The following WWOX variants were observed in gnomAD, a reference collection of about 807,000 sequenced individuals.
WWOX encodes WW domain-containing oxidoreductase.
In WWOX, 69 loss-of-function variants were observed where a neutral mutation model predicts 46.2. The observed-to-expected ratio is 1.49, with a 90% CI of 1.23 to 1.82. The LOEUF (loss-of-function observed/expected upper bound fraction) is 1.82. Ranked by LOEUF, WWOX falls within the 40% of genes most tolerant of loss-of-function variation. The probability of loss-of-function intolerance (pLI) is 0.00; values close to 1 mark genes in which losing one functional copy is unlikely to be tolerated. For synonymous variants in WWOX, 359 were observed against 202.6 expected (o/e 1.77, Z -6.56); for missense variants, 919 against 542.6 (o/e 1.69, Z -6.89).
At chr16:78,198,543 C>A (rs1452743151) in intron 5 of WWOX, among the ~76,000 whole-genome samples, 2 of 152,136 alleles carry the variant, frequency 1.3e-5, no homozygotes, top group Non-Finnish European at 2.9e-5. Context: ...CAGGGATGAA[C>A]AAAGGCAACT....
intron 8 of WWOX, among the ~76,000 whole-genome samples, chr16:78,673,449 C>G (rs909502169): frequency 6.6e-5 from 10 of 152,110 alleles, no homozygotes; most frequent in Non-Finnish European, 1.5e-4. Flanking sequence ...GTAATGACAC[C>G]AGCACCATAA....
intron 8 of WWOX, among the ~76,000 whole-genome samples, chr16:78,892,642 C>T (rs558131595): frequency 5.9e-5 from 9 of 152,228 alleles, no homozygotes; most frequent in East Asian, 1.9e-4. Flanking sequence ...ACAAGGTCAC[C>T]TGCCAAAAGC....
chr16:78,899,051 C>G (rs890202038), intron 8 of WWOX: 10 of 151,726 alleles, frequency 6.6e-5, no homozygotes, highest in African/African-American at 2.2e-4. Context: ...TATAGTTTTA[C>G]TTCTTCTCCA....
intron 8 of WWOX, among the ~76,000 whole-genome samples, chr16:78,710,857 T>C (rs1173195236): frequency 2.0e-5 from 3 of 152,062 alleles, no homozygotes; most frequent in Non-Finnish European, 2.9e-5. Context: ...GCTCAAGCGA[T>C]CCTACTCACT....
chr16:78,282,603 G>A (rs1323792917), intron 5 of WWOX, among the ~76,000 whole-genome samples: 3 of 152,226 alleles, frequency 2.0e-5, no homozygotes, highest in Admixed American at 6.5e-5. Flanking sequence ...GTGGCCGGGC[G>A]CAGTGGCTCA....
chr16:78,598,058 G>A (rs2045532618), intron 8 of WWOX, among the ~76,000 whole-genome samples: 1 of 152,106 alleles, frequency 6.6e-6, no homozygotes, highest in Non-Finnish European at 1.5e-5. Flanking sequence ...TCTCCAGACT[G>A]CGCTTCATGA....
chr16:79,157,619 TTTA>T (rs1305360000), intron 8 of WWOX, among the ~76,000 whole-genome samples: 1 of 152,038 alleles, frequency 6.6e-6, no homozygotes, highest in Admixed American at 6.5e-5. Context: ...AAATACAGGT[TTTA>T]TTATTATTTA....
chr16:78,723,484 T>A (rs1307153649), intron 8 of WWOX, among the ~76,000 whole-genome samples: 1 of 152,172 alleles, frequency 6.6e-6, no homozygotes, highest in Non-Finnish European at 1.5e-5. Context: ...ATCTGCATGT[T>A]TCTCTCTTTC....
chr16:79,163,383 G>T (rs575872234), intron 8 of WWOX, among the ~76,000 whole-genome samples: 1 of 152,222 alleles, frequency 6.6e-6, no homozygotes, highest in Admixed American at 6.5e-5. Flanking sequence ...TTTAGTAGAA[G>T]TAGGAATCGT....
At chr16:78,230,760 G>T (rs1057471263) in intron 5 of WWOX, among the ~76,000 whole-genome samples, 3 of 152,310 alleles carry the variant, frequency 2.0e-5, no homozygotes, top group Admixed American at 2.0e-4. Context: ...GCATGATCTG[G>T]AAGATAAAGC....
intron 8 of WWOX, among the ~76,000 whole-genome samples, chr16:78,829,607 A>G (rs1361260503): frequency 6.6e-6 from 1 of 152,068 alleles, no homozygotes. Flanking sequence ...TGTCCAAGGC[A>G]CATATAGTCA....
chr16:78,483,061 A>G (rs1191006201), intron 8 of WWOX, among the ~76,000 whole-genome samples: 6 of 152,310 alleles, frequency 3.9e-5, no homozygotes, highest in African/African-American at 1.2e-4. Flanking sequence ...GGCCTCTTCA[A>G]CCTACCTTTT....
intron 5 of WWOX, among the ~76,000 whole-genome samples, chr16:78,195,206 G>A (rs1208544125): frequency 1.3e-5 from 2 of 152,154 alleles, no homozygotes; most frequent in Admixed American, 1.3e-4. Flanking sequence ...ATCTGGGAGG[G>A]ACAGCTTGAG....
At chr16:78,600,068 C>G (rs373329980) in intron 8 of WWOX, among the ~76,000 whole-genome samples, 1 of 152,220 alleles carries the variant, frequency 6.6e-6, no homozygotes, top group East Asian at 1.9e-4. Flanking sequence ...TCATATCTTA[C>G]ATGGTTGGCA....
chr16:78,373,429 A>G (rs1382666568), intron 5 of WWOX, among the ~76,000 whole-genome samples: 3 of 152,322 alleles, frequency 2.0e-5, no homozygotes, highest in Admixed American at 6.5e-5. Flanking sequence ...CCCAATTCAT[A>G]TGAGAAATAG....
At chr16:78,851,705 A>C (rs2052448327) in intron 8 of WWOX, among the ~76,000 whole-genome samples, 1 of 152,156 alleles carries the variant, frequency 6.6e-6, no homozygotes, top group African/African-American at 2.4e-5. Flanking sequence ...CCAAATATAA[A>C]ACAATTTTTT....
At chr16:78,207,612 A>G (rs2036434907) in intron 5 of WWOX, among the ~76,000 whole-genome samples, 1 of 151,580 alleles carries the variant, frequency 6.6e-6, no homozygotes, top group Admixed American at 6.6e-5. Flanking sequence ...GACTTGTTTC[A>G]GAGTCTCTTT....
At chr16:78,910,268 C>T (rs1379250605) in intron 8 of WWOX, among the ~76,000 whole-genome samples, 4 of 150,228 alleles carry the variant, frequency 2.7e-5, no homozygotes, top group Admixed American at 6.6e-5. Context: ...CTGCTTTCTC[C>T]TGACATCATG....
intron 8 of WWOX, among the ~76,000 whole-genome samples, chr16:78,933,654 C>G (rs1256633793): frequency 6.6e-6 from 1 of 152,116 alleles, no homozygotes; most frequent in Non-Finnish European, 1.5e-5. Flanking sequence ...TTCCATGTGG[C>G]TGGGGAGGCC....
Sources: gnomAD v4.1 joint callset for allele counts (sites outside exome capture counted in the v4.1 genomes callset) on GRCh38, gnomAD v4.1.1 for gene constraint, MANE v1.5 for transcripts, NCBI Gene and HGNC (gene_info 2026-07-23, HGNC 2026-07-21) for gene names.